EVA1C: variants seen among roughly 807,000 people sequenced by gnomAD.
The protein encoded by EVA1C is protein eva-1 homolog C.
Under a neutral mutation model 45.4 loss-of-function variants are expected in EVA1C, and 25 were observed. That is an observed-to-expected ratio of 0.55 (90% CI 0.40 to 0.77). The LOEUF (loss-of-function observed/expected upper bound fraction) is 0.77, where lower values mean the gene tolerates loss of function less well. EVA1C is among the 30% of genes least tolerant of loss of function. The probability of loss-of-function intolerance (pLI) is 0.00; values close to 1 mark genes in which losing one functional copy is unlikely to be tolerated. For missense variants in EVA1C, 479 were observed against 554.8 expected (o/e 0.86, Z 1.37); for synonymous variants, 190 against 221.2 (o/e 0.86, Z 1.25).
intron 1 of EVA1C, among the ~76,000 whole-genome samples, chr21:32,448,193 C>T (rs115532394): frequency 0.02 from 3,006 of 152,220 alleles, 97 homozygotes; most frequent in African/African-American, 0.067. Flanking sequence ...CCTGGAGGAC[C>T]AGAGCATTTG....
Position 32,437,393 on chromosome 21 carries a change from GT to G in EVA1C, c.161-15918del, listed in dbSNP as rs554771608. ...TCATTTCTCCCCCGGAGGACTGCCT[GT>G]ACCCTGATTTCTTCAAGGGTCTCTC... On this transcript the variant is annotated intron_variant, in intron 1 of 7. Coordinates refer to ENST00000300255, the MANE Select transcript of EVA1C (RefSeq NM_058187.5). Among the ~76,000 whole-genome samples the G allele has an allele frequency of 2.5e-3, 377 of 152,220 alleles. 1 individual carries two copies. Among genetic ancestry groups the G allele is most frequent in the African/African-American group, 8.7e-3 (361 of 41,538 alleles).
At chr21:32,430,408 G>A (rs1290066891) in intron 1 of EVA1C, among the ~76,000 whole-genome samples, 1 of 152,152 alleles carries the variant, frequency 6.6e-6, no homozygotes, top group Non-Finnish European at 1.5e-5. Context: ...TTCTGCAGCT[G>A]GACATCACAA....
intron 7 of EVA1C, among the ~76,000 whole-genome samples, chr21:32,510,490 TTA>T (rs2037911973): frequency 6.6e-6 from 1 of 152,186 alleles, no homozygotes; most frequent in Non-Finnish European, 1.5e-5. Context: ...GAAAGATGGT[TTA>T]TATATGGTCT....
At position 32,487,168 on chromosome 21, in the gene EVA1C, G is replaced by A. The variant is rs1023824726; in HGVS notation, c.635-7859G>A. Among the ~76,000 whole-genome samples the A allele has an allele frequency of 1.4e-4, 22 of 152,212 alleles. No individual in the cohort carries two copies. The South Asian group carries it at 2.3e-3, about 16-fold the overall frequency. On this transcript the variant is annotated intron_variant, in intron 4 of 7. Coordinates refer to ENST00000300255, the MANE Select transcript of EVA1C (RefSeq NM_058187.5). Reference sequence around the variant, plus strand: ...TCCTTTTAACCACACCTGAGTTTACGTAGATGAATGAATTTTGGAAAGCCC... The same window carrying A: ...TCCTTTTAACCACACCTGAGTTTACATAGATGAATGAATTTTGGAAAGCCC...
chr21:32,457,392 T>C (rs115246151), intron 2 of EVA1C, among the ~76,000 whole-genome samples: 1,622 of 152,298 alleles, frequency 0.011, 33 homozygotes, highest in African/African-American at 0.037. Flanking sequence ...CTGGCACTAT[T>C]GGATCAGGTT....
chr21:32,433,328 G>A (rs2034787248), intron 1 of EVA1C: 1 of 151,976 alleles, frequency 6.6e-6, no homozygotes, highest in African/African-American at 2.4e-5. Flanking sequence ...GAGACAGGGT[G>A]GTGGTGATTT....
chr21:32,514,602 A>G (rs537190341), intron 7 of EVA1C, among the ~76,000 whole-genome samples: 3 of 152,290 alleles, frequency 2.0e-5, no homozygotes, highest in African/African-American at 7.2e-5. Context: ...TCTCCTACAC[A>G]TACATATATT....
intron 1 of EVA1C, among the ~76,000 whole-genome samples, chr21:32,425,955 G>A (rs1171022272): frequency 6.9e-6 from 1 of 145,730 alleles, no homozygotes; most frequent in Non-Finnish European, 1.5e-5. Context: ...CCTGAAAAAA[G>A]TGAACACTTT....
intron 4 of EVA1C, among the ~76,000 whole-genome samples, chr21:32,485,313 G>A (rs933685546): frequency 5.9e-5 from 9 of 151,930 alleles, no homozygotes; most frequent in South Asian, 2.1e-4. Flanking sequence ...GATTACAGGC[G>A]TGCACCACCA....
chr21:32,435,592 C>T (rs1442436973), intron 1 of EVA1C, among the ~76,000 whole-genome samples: 3 of 152,166 alleles, frequency 2.0e-5, no homozygotes, highest in Admixed American at 1.3e-4. Flanking sequence ...TGGCTGAAAA[C>T]CCTGCAGCCA....
At chr21:32,484,955 T>A (rs138731764) in intron 4 of EVA1C, among the ~76,000 whole-genome samples, 1 of 152,154 alleles carries the variant, frequency 6.6e-6, no homozygotes, top group East Asian at 1.9e-4. Flanking sequence ...TTTTTTTTTT[T>A]ACTGCACAAG....
chr21:32,460,623 G>A (rs1189385882), intron 3 of EVA1C, among the ~76,000 whole-genome samples: 1 of 152,138 alleles, frequency 6.6e-6, no homozygotes, highest in Non-Finnish European at 1.5e-5. Flanking sequence ...GCACGTCCTC[G>A]GTAACCAGAT....
intron 7 of EVA1C, among the ~76,000 whole-genome samples, chr21:32,513,909 C>A (rs1049253719): frequency 1.3e-5 from 2 of 152,118 alleles, no homozygotes; most frequent in African/African-American, 4.8e-5. Context: ...GTTCAACCAA[C>A]CTCAGACTGA....
intron 4 of EVA1C, among the ~76,000 whole-genome samples, chr21:32,483,157 C>G (rs1040898284): frequency 2.0e-5 from 3 of 152,134 alleles, no homozygotes; most frequent in Non-Finnish European, 4.4e-5. Flanking sequence ...CCACGCCCGG[C>G]CCTCCCTGCC....
chr21:32,432,486 C>T (rs2034746787), intron 1 of EVA1C, among the ~76,000 whole-genome samples: 1 of 151,980 alleles, frequency 6.6e-6, no homozygotes. Context: ...CAAAGTTGCT[C>T]CTGGCATTAG....
rs953291719 is a variant in EVA1C, at chr21:32,412,827, C to T, written c.-27C>T. On this transcript the variant is annotated 5_prime_UTR_variant, in exon 1 of 8. Coordinates refer to ENST00000300255, the MANE Select transcript of EVA1C (RefSeq NM_058187.5). Reference sequence around the variant, plus strand: ...CGACCCCCAGCGCGTCCCGGGCCTGCGCCTCCGCCCCGCCGCGCAGCGCAC... The same window carrying T: ...CGACCCCCAGCGCGTCCCGGGCCTGTGCCTCCGCCCCGCCGCGCAGCGCAC... 2 of 1,386,664 alleles carry T rather than the reference C, an allele frequency of 1.4e-6. No homozygotes were observed. The highest frequency in any genetic ancestry group is 3.0e-5 in the East Asian group (1 of 33,022). The allele number at this position is 1,386,664 out of a possible 1,614,324, so 85.9% of individuals were successfully genotyped here.
At chr21:32,475,775 G>A (rs554712073) in intron 4 of EVA1C, among the ~76,000 whole-genome samples, 177 of 151,928 alleles carry the variant, frequency 1.2e-3, no homozygotes, top group African/African-American at 3.8e-3. Flanking sequence ...CCTTTCTTCC[G>A]GCTGACTTCC....
chr21:32,446,087 TA>T (rs369777383), intron 1 of EVA1C, among the ~76,000 whole-genome samples: 1 of 151,756 alleles, frequency 6.6e-6, no homozygotes, highest in African/African-American at 2.4e-5. Context: ...CTACTAAAAA[TA>T]AAAAAATAGC....
chr21:32,430,749 G>A (rs1325857977), intron 1 of EVA1C, among the ~76,000 whole-genome samples: 1 of 152,052 alleles, frequency 6.6e-6, no homozygotes, highest in Non-Finnish European at 1.5e-5. Flanking sequence ...AAGGCGGGTG[G>A]ATCACCTGAG....
Sources: allele counts gnomAD v4.1 joint callset (sites outside exome capture counted in the v4.1 genomes callset), GRCh38; gene constraint gnomAD v4.1.1; transcripts MANE v1.5; gene names NCBI Gene and HGNC (gene_info 2026-07-23, HGNC 2026-07-21).